The following BCHE variants were observed in gnomAD, a reference collection of about 807,000 sequenced individuals.
BCHE encodes the protein cholinesterase.
In BCHE, 48 loss-of-function variants were observed where a neutral mutation model predicts 51.3. That is an observed-to-expected ratio of 0.94 (90% confidence interval 0.74 to 1.19). BCHE has a LOEUF of 1.19. BCHE is among the 50% of genes most tolerant of loss of function. BCHE has a pLI of 0.00. For missense variants in BCHE, 847 were observed against 708.2 expected, an observed-to-expected ratio of 1.20 and a Z score of -2.23; for synonymous variants, 251 against 238.0, an observed-to-expected ratio of 1.05 and a Z score of -0.50.
chr3:165,830,702 T>C lies in BCHE; in HGVS notation c.332A>G (p.Asn111Ser), dbSNP rs534940179. 2.5e-6 allele frequency: 4 copies of C among 1,614,030 alleles called. No homozygotes were observed. The South Asian group carries it at 4.4e-5, about 18-fold the overall frequency. The change falls in exon 2 of 4, where the codon AAC becomes AGC. Residue 111 changes from asparagine to serine, a missense_variant. By Grantham distance (46) the Asn-to-Ser change is conservative (BLOSUM62 1). Coordinates refer to ENST00000264381, the MANE Select transcript of BCHE (RefSeq NM_000055.4). ...FPGFHGSEMW[N>S]PNTDLSEDCL... ...GTCTTCACTGAGGTCAGTGTTTGGGTTCCACATCTCTGATCCATGGAAGCC... is the reference window on the plus strand; with the variant it reads ...GTCTTCACTGAGGTCAGTGTTTGGGCTCCACATCTCTGATCCATGGAAGCC...
chr3:165,832,452 C>A (rs1223953755), intron 1 of BCHE, among the ~76,000 whole-genome samples: 2 of 151,988 alleles, frequency 1.3e-5, no homozygotes, highest in African/African-American at 4.8e-5. Context: ...GGCACCACAC[C>A]CAGGTAATTT....
intron 2 of BCHE, among the ~76,000 whole-genome samples, chr3:165,805,299 G>C (rs969352379): frequency 2.6e-5 from 4 of 152,158 alleles, no homozygotes; most frequent in African/African-American, 4.8e-5. Context: ...TTCACGATCA[G>C]TCAGGCATCA....
At chr3:165,808,405 A>G (rs1021653214) in intron 2 of BCHE, among the ~76,000 whole-genome samples, 5 of 151,946 alleles carry the variant, frequency 3.3e-5, no homozygotes, top group Admixed American at 2.0e-4. Context: ...TACATACCTA[A>G]TTTTTGCATA....
At chr3:165,810,089 TAATTC>T (rs1714035916) in intron 2 of BCHE, among the ~76,000 whole-genome samples, 1 of 152,100 alleles carries the variant, frequency 6.6e-6, no homozygotes, top group Non-Finnish European at 1.5e-5. Flanking sequence ...CAGATTGAAA[TAATTC>T]TTTAACATCA....
chr3:165,806,333 TA>T (rs770072815), intron 2 of BCHE, among the ~76,000 whole-genome samples: 4 of 152,178 alleles, frequency 2.6e-5, no homozygotes, highest in Non-Finnish European at 5.9e-5. Flanking sequence ...TTTATTTCTT[TA>T]AGAAAGGTTT....
chr3:165,793,323 A>T (rs1056041515), intron 2 of BCHE, among the ~76,000 whole-genome samples: 1 of 152,212 alleles, frequency 6.6e-6, no homozygotes, highest in Non-Finnish European at 1.5e-5. Flanking sequence ...TCCTTGTCCT[A>T]TTCTCCTCCT....
At chr3:165,820,917 G>A (rs1212323207) in intron 2 of BCHE, among the ~76,000 whole-genome samples, 2 of 151,970 alleles carry the variant, frequency 1.3e-5, no homozygotes, top group Non-Finnish European at 2.9e-5. Flanking sequence ...GGTGAAGGCA[G>A]CCTGGCGAAT....
chr3:165,818,628 C>G (rs1342538867), intron 2 of BCHE, among the ~76,000 whole-genome samples: 3 of 152,056 alleles, frequency 2.0e-5, no homozygotes, highest in Non-Finnish European at 4.4e-5. Context: ...TATTTAGACT[C>G]TTGCTTGGAT....
At chr3:165,787,691 T>A (rs527781653) in intron 2 of BCHE, among the ~76,000 whole-genome samples, 1 of 152,092 alleles carries the variant, frequency 6.6e-6, no homozygotes, top group East Asian at 1.9e-4. Flanking sequence ...TTTTGTTGAA[T>A]TCTAGGATAG....
At chr3:165,827,929 T>A in intron 2 of BCHE, 1 of 408,522 alleles carries the variant, frequency 2.4e-6, no homozygotes, top group South Asian at 1.8e-5. Flanking sequence ...ACTCATACTA[T>A]CTTTTACCAG....
rs1712310301 is a variant in BCHE at position 165,772,983 on chromosome 3, TG to T, written c.*398del. 2 of 159,750 alleles carry T rather than the reference TG, an allele frequency of 1.3e-5. No individual in the cohort carries two copies. 9.9% of individuals were successfully genotyped at this position (159,750 alleles called of 1,614,324 possible). A position where few individuals can be genotyped will look rare whatever the true frequency, so the allele number is the denominator to read the frequency against. On this transcript the variant is annotated 3_prime_UTR_variant, in exon 4 of 4. Transcript: ENST00000264381. ...TTAGGAAACATAATATTGTAAACTA[TG>T]GTGTACAGTGTTTCAATATTTAATT... is the stretch of plus-strand genomic sequence containing the variant.
At chr3:165,826,904 T>C (rs1714743249) in intron 2 of BCHE, among the ~76,000 whole-genome samples, 1 of 152,146 alleles carries the variant, frequency 6.6e-6, no homozygotes, top group African/African-American at 2.4e-5. Context: ...TTTAGCAGCA[T>C]GCTGGGCCTT....
intron 2 of BCHE, among the ~76,000 whole-genome samples, chr3:165,790,380 G>T (rs532885997): frequency 1.3e-5 from 2 of 152,276 alleles, no homozygotes; most frequent in South Asian, 4.1e-4. Flanking sequence ...TGAGGACAGA[G>T]AAGTTTTGCA....
intron 2 of BCHE, among the ~76,000 whole-genome samples, chr3:165,790,390 A>G (rs150170649): frequency 6.6e-6 from 1 of 152,324 alleles, no homozygotes; most frequent in African/African-American, 2.4e-5. Context: ...GAAGTTTTGC[A>G]TTTGGAACAT....
chr3:165,810,346 CA>C (rs1714046412), intron 2 of BCHE, among the ~76,000 whole-genome samples: 1 of 152,102 alleles, frequency 6.6e-6, no homozygotes, highest in Non-Finnish European at 1.5e-5. Flanking sequence ...TATGCCCACT[CA>C]AAATATCTCA....
intron 2 of BCHE, among the ~76,000 whole-genome samples, chr3:165,799,631 C>A (rs1231456796): frequency 6.6e-6 from 1 of 152,034 alleles, no homozygotes; most frequent in Non-Finnish European, 1.5e-5. Context: ...CATTGTAAGT[C>A]AGTTTTGTTA....
At chr3:165,775,546 A>G (rs958830564) in intron 3 of BCHE, among the ~76,000 whole-genome samples, 1 of 151,656 alleles carries the variant, frequency 6.6e-6, no homozygotes, top group African/African-American at 2.4e-5. Context: ...ATTTTTCTTG[A>G]TAAATAAATT....
intron 2 of BCHE, among the ~76,000 whole-genome samples, chr3:165,816,359 C>A (rs1201543010): frequency 1.3e-5 from 2 of 151,794 alleles, no homozygotes; most frequent in Admixed American, 1.3e-4. Flanking sequence ...ATCACTGTAC[C>A]ATTCCCATCA....
chr3:165,821,284 G>A (rs1714502426), intron 2 of BCHE, among the ~76,000 whole-genome samples: 1 of 151,034 alleles, frequency 6.6e-6, no homozygotes, highest in South Asian at 2.1e-4. Context: ...CTTGGTGAAG[G>A]GATTTGCACA....
Sources: allele counts gnomAD v4.1 joint callset (sites outside exome capture counted in the v4.1 genomes callset), GRCh38; gene constraint gnomAD v4.1.1; transcripts MANE v1.5; gene names NCBI Gene and HGNC (gene_info 2026-07-23, HGNC 2026-07-21).